LRMDA: variants seen among roughly 807,000 people sequenced by gnomAD.
LRMDA encodes the protein leucine rich melanocyte differentiation associated.
A neutral mutation model predicts 29.8 loss-of-function variants in LRMDA; 18 were observed. The ratio of observed to expected loss-of-function variants is 0.60; its 90% CI spans 0.42 to 0.90. LRMDA has a LOEUF of 0.90. Ranked by LOEUF, LRMDA falls within the 40% of genes least tolerant of loss-of-function variation. LRMDA has a pLI of 0.00. For synonymous variants in LRMDA, 125 were observed against 109.4 expected (o/e 1.14, Z -0.89); for missense variants, 273 against 273.9 (o/e 1.00, Z 0.02).
intron 1 of LRMDA, among the ~76,000 whole-genome samples, chr10:75,436,274 G>A (rs923713982): frequency 6.6e-6 from 1 of 152,074 alleles, no homozygotes; most frequent in Non-Finnish European, 1.5e-5. Flanking sequence ...ATTAGATTTA[G>A]TCCTTGGCCA....
rs569922759 is a variant in LRMDA, at chr10:76,078,376, T to C, written c.516+19593T>C. ...CTATTTAAGCACAGACGTTCCATAA[T>C]GGAAGGGCAGCACCAGAAATTCCCA... On this transcript the variant is annotated intron_variant, in intron 5 of 6. Transcript: ENST00000611255. Among the ~76,000 whole-genome samples, 9 of 152,170 alleles carry C rather than the reference T, an allele frequency of 5.9e-5. No homozygotes were observed. In the South Asian group the frequency reaches 1.9e-3, roughly 32 times the overall value.
chr10:75,678,904 G>A (rs1175858984), intron 2 of LRMDA, among the ~76,000 whole-genome samples: 1 of 152,106 alleles, frequency 6.6e-6, no homozygotes, highest in Non-Finnish European at 1.5e-5. Flanking sequence ...TGGATCTGGG[G>A]TTTTACTGGA....
intron 2 of LRMDA, among the ~76,000 whole-genome samples, chr10:75,675,684 C>T (rs1263094681): frequency 2.0e-5 from 3 of 148,268 alleles, no homozygotes; most frequent in South Asian, 4.5e-4. Context: ...ATGAAAAGGT[C>T]GCACCAGAAA....
At chr10:76,276,207 C>T (rs548451589) in intron 5 of LRMDA, among the ~76,000 whole-genome samples, 2 of 152,068 alleles carry the variant, frequency 1.3e-5, no homozygotes, top group African/African-American at 2.4e-5. Context: ...GTGATGCAAT[C>T]GCGGCTAACT....
chr10:75,493,348 G>GGTGGGTGTGT (rs148712950), intron 2 of LRMDA, among the ~76,000 whole-genome samples: 1,655 of 133,330 alleles, frequency 0.012, 40 homozygotes, highest in Non-Finnish European at 0.01. Context: ...GTTGAGATTG[G>GGTGGGTGTGT]GTGTGTGTGT....
intron 2 of LRMDA, among the ~76,000 whole-genome samples, chr10:75,563,952 C>T (rs183321453): frequency 1.3e-3 from 205 of 152,318 alleles, no homozygotes; most frequent in Admixed American, 2.3e-3. Flanking sequence ...TGGAAGGTGC[C>T]TCCCAGTTAG....
chr10:76,231,735 G>A (rs12161701), intron 5 of LRMDA, among the ~76,000 whole-genome samples: 27,455 of 152,172 alleles, frequency 0.18, 2,998 homozygotes, highest in East Asian at 0.51. Flanking sequence ...AAAAGTCTCT[G>A]AGTGACTGTG....
intron 2 of LRMDA, among the ~76,000 whole-genome samples, chr10:75,440,256 G>A (rs1221731532): frequency 6.7e-6 from 1 of 148,368 alleles, no homozygotes; most frequent in African/African-American, 2.5e-5. Context: ...TAAGGGGGTG[G>A]CTGAAAAGTG....
intron 2 of LRMDA, among the ~76,000 whole-genome samples, chr10:75,710,541 C>T (rs1842423393): frequency 1.3e-5 from 2 of 152,182 alleles, no homozygotes; most frequent in African/African-American, 4.8e-5. Context: ...TTGTTGCTGT[C>T]TAATTAGAGA....
chr10:75,970,102 G>C (rs978589127), intron 2 of LRMDA, among the ~76,000 whole-genome samples: 6 of 152,186 alleles, frequency 3.9e-5, no homozygotes, highest in Admixed American at 2.6e-4. Flanking sequence ...CCAATAGGTA[G>C]CTCTCTGGAT....
intron 2 of LRMDA, among the ~76,000 whole-genome samples, chr10:75,626,523 C>T (rs1429077499): frequency 1.3e-5 from 2 of 152,104 alleles, no homozygotes; most frequent in Non-Finnish European, 2.9e-5. Context: ...AAGTGTCTTA[C>T]CAAGTTGCTA....
At chr10:76,555,744 T>G (rs969532653) in intron 6 of LRMDA, among the ~76,000 whole-genome samples, 2 of 134,818 alleles carry the variant, frequency 1.5e-5, no homozygotes, top group South Asian at 4.7e-4. Flanking sequence ...TAATTTCAAG[T>G]GCTAATTTAT....
intron 2 of LRMDA, among the ~76,000 whole-genome samples, chr10:75,545,299 G>C (rs1840065925): frequency 6.6e-6 from 1 of 152,182 alleles, no homozygotes; most frequent in Admixed American, 6.5e-5. Context: ...TGTTAATCAA[G>C]TGTTACGGAG....
At chr10:75,727,933 A>T (rs1289027294) in intron 2 of LRMDA, among the ~76,000 whole-genome samples, 1 of 152,224 alleles carries the variant, frequency 6.6e-6, no homozygotes, top group Non-Finnish European at 1.5e-5. Flanking sequence ...ATTTGCATTC[A>T]GGCCATCTTT....
chr10:75,466,575 C>T (rs35173595), intron 2 of LRMDA, among the ~76,000 whole-genome samples: 14,445 of 152,122 alleles, frequency 0.095, 884 homozygotes, highest in East Asian at 0.22. Flanking sequence ...CTCGAGCTAC[C>T]CTGGCCAGCT....
At chr10:75,758,489 T>TTATC (rs1843058892) in intron 2 of LRMDA, among the ~76,000 whole-genome samples, 1 of 152,204 alleles carries the variant, frequency 6.6e-6, no homozygotes, top group Non-Finnish European at 1.5e-5. Context: ...CCTCACTGTA[T>TTATC]TATCGTTCTA....
chr10:75,449,107 G>C (rs1002870719), intron 2 of LRMDA, among the ~76,000 whole-genome samples: 1 of 148,680 alleles, frequency 6.7e-6, no homozygotes, highest in Non-Finnish European at 1.5e-5. Context: ...AGCCAAGATC[G>C]TGCCACTGCA....
chr10:76,438,757 G>A (rs1842270758), intron 6 of LRMDA: 1 of 152,130 alleles, frequency 6.6e-6, no homozygotes, highest in Non-Finnish European at 1.5e-5. Flanking sequence ...TCTGTTTCTC[G>A]ATTCTTTATT....
intron 2 of LRMDA, among the ~76,000 whole-genome samples, chr10:75,465,290 A>G (rs1459483214): frequency 2.0e-5 from 3 of 152,214 alleles, no homozygotes; most frequent in African/African-American, 7.2e-5. Context: ...ATTAGTAAAA[A>G]GGAAGTTGCC....
Sources: allele counts gnomAD v4.1 joint callset (sites outside exome capture counted in the v4.1 genomes callset), GRCh38; gene constraint gnomAD v4.1.1; transcripts MANE v1.5; gene names NCBI Gene and HGNC (gene_info 2026-07-23, HGNC 2026-07-21).